PCDH15: variants seen among roughly 807,000 people sequenced by gnomAD.
PCDH15 encodes the protein protocadherin-15.
A neutral mutation model predicts 178.5 loss-of-function variants in PCDH15; 129 were observed. The observed-to-expected ratio is 0.72, with a 90% CI of 0.63 to 0.84. The LOEUF (loss-of-function observed/expected upper bound fraction) is 0.84. PCDH15 is among the 40% of genes least tolerant of loss of function. PCDH15 has a pLI of 0.00. For synonymous variants in PCDH15, 800 were observed against 732.0 expected, an observed-to-expected ratio of 1.09 and a Z score of -1.50; for missense variants, 2,230 against 2,099.9, an observed-to-expected ratio of 1.06 and a Z score of -1.21.
At chr10:55,322,229 C>T (rs1843919591), upstream of PCDH15, among the ~76,000 whole-genome samples, 1 of 152,138 alleles carries the variant, frequency 6.6e-6, no homozygotes, top group African/African-American at 2.4e-5. Context: ...TAAGAGGTGC[C>T]TTTGCTTTTC....
intron 3 of PCDH15, among the ~76,000 whole-genome samples, chr10:54,818,931 T>A (rs1432806024): frequency 1.3e-5 from 2 of 152,056 alleles, no homozygotes; most frequent in Non-Finnish European, 2.9e-5. Flanking sequence ...TTATTTTTAT[T>A]TATTTATTTT....
intron 2 of PCDH15, among the ~76,000 whole-genome samples, chr10:54,634,987 G>A (rs1341554394): frequency 6.6e-6 from 1 of 151,640 alleles, no homozygotes; most frequent in Non-Finnish European, 1.5e-5. Flanking sequence ...TCAGATGTAT[G>A]ATTTATAGAG....
chr10:54,729,545 T>G (rs979889477), intron 1 of PCDH15, among the ~76,000 whole-genome samples: 1 of 151,544 alleles, frequency 6.6e-6, no homozygotes, highest in Non-Finnish European at 1.5e-5. Context: ...AAACAAAAAT[T>G]GACAAGTGGG....
chr10:55,380,310 T>C (rs1434157522), intron 2 of PCDH15, among the ~76,000 whole-genome samples: 1 of 152,154 alleles, frequency 6.6e-6, no homozygotes, highest in Admixed American at 6.5e-5. Context: ...AAGTCATAGT[T>C]TGAAGAATTT....
chr10:54,068,394 AT>A (rs1178993142), intron 17 of PCDH15, among the ~76,000 whole-genome samples: 1 of 152,116 alleles, frequency 6.6e-6, no homozygotes, highest in Non-Finnish European at 1.5e-5. Context: ...TAAAATTTTT[AT>A]TTAAAGACAC....
intron 8 of PCDH15, among the ~76,000 whole-genome samples, chr10:54,247,402 A>T (rs1416354428): frequency 6.6e-6 from 1 of 152,012 alleles, no homozygotes; most frequent in African/African-American, 2.4e-5. Flanking sequence ...ACTTTGAATA[A>T]AGTGTTTCTT....
chr10:54,426,896 C>T (rs962074090), intron 3 of PCDH15, among the ~76,000 whole-genome samples: 9 of 151,480 alleles, frequency 5.9e-5, no homozygotes, highest in African/African-American at 1.9e-4. Context: ...AAATAGTTTT[C>T]CCATGAGTAT....
chr10:55,359,058 C>T (rs1845153046), intron 2 of PCDH15, among the ~76,000 whole-genome samples: 1 of 151,876 alleles, frequency 6.6e-6, no homozygotes, highest in Non-Finnish European at 1.5e-5. Flanking sequence ...TATAACTAGG[C>T]ATAGTGGCAC....
chr10:54,677,343 G>T (rs1472353305), intron 1 of PCDH15, among the ~76,000 whole-genome samples: 2 of 152,140 alleles, frequency 1.3e-5, no homozygotes, highest in Admixed American at 1.3e-4. Context: ...TCGTGTTACT[G>T]CAGGGACAGA....
At chr10:54,316,772 T>C (rs2061303402) in intron 8 of PCDH15, among the ~76,000 whole-genome samples, 1 of 152,190 alleles carries the variant, frequency 6.6e-6, no homozygotes, top group South Asian at 2.1e-4. Flanking sequence ...GTATTCATGC[T>C]TCACCTTTCT....
intron 2 of PCDH15, among the ~76,000 whole-genome samples, chr10:55,535,022 A>G (rs374945739): frequency 6.6e-6 from 1 of 152,064 alleles, no homozygotes; most frequent in African/African-American, 2.4e-5. Flanking sequence ...ACATGGACAT[A>G]AACATGGGAA....
At chr10:54,443,118 A>G (rs1259005890) in intron 3 of PCDH15, among the ~76,000 whole-genome samples, 3 of 151,658 alleles carry the variant, frequency 2.0e-5, no homozygotes, top group African/African-American at 4.8e-5. Context: ...ATCTGAAATC[A>G]CTGCTAGCAA....
chr10:54,804,949 A>G (rs1427008710), upstream of PCDH15, among the ~76,000 whole-genome samples: 1 of 127,366 alleles, frequency 7.9e-6, no homozygotes, highest in African/African-American at 2.7e-5. Context: ...ATATATATAT[A>G]CAGAGTTTGC....
intron 15 of PCDH15, among the ~76,000 whole-genome samples, chr10:54,118,698 T>G (rs1323024666): frequency 2.0e-5 from 3 of 151,462 alleles, no homozygotes; most frequent in African/African-American, 7.3e-5. Context: ...AAAAATAAAT[T>G]AACCCAAGAT....
At chr10:53,929,723 A>G (rs1648177526) in intron 25 of PCDH15, among the ~76,000 whole-genome samples, 1 of 152,182 alleles carries the variant, frequency 6.6e-6, no homozygotes. Flanking sequence ...AATCAATAGC[A>G]TTTGAGTTGT....
intron 2 of PCDH15, among the ~76,000 whole-genome samples, chr10:55,470,745 T>C (rs1405436047): frequency 6.6e-6 from 1 of 152,156 alleles, no homozygotes; most frequent in Non-Finnish European, 1.5e-5. Context: ...TATAACAACA[T>C]GCATTCACAA....
chr10:55,214,565 T>G (rs1840653120), intron 1 of PCDH15, among the ~76,000 whole-genome samples: 4 of 151,938 alleles, frequency 2.6e-5, no homozygotes, highest in African/African-American at 4.8e-5. Context: ...TCTTTTTTTT[T>G]TGTGGGATGG....
At chr10:55,478,340 C>T (rs574942222) in intron 2 of PCDH15, among the ~76,000 whole-genome samples, 2 of 151,670 alleles carry the variant, frequency 1.3e-5, no homozygotes, top group South Asian at 2.1e-4. Context: ...ATTTAAAAAA[C>T]ATTCCATCCA....
intron 15 of PCDH15, among the ~76,000 whole-genome samples, chr10:54,091,688 T>C (rs1254035220): frequency 6.6e-6 from 1 of 152,218 alleles, no homozygotes; most frequent in African/African-American, 2.4e-5. Context: ...AATCTGTCTC[T>C]CATAAAAGTG....
Sources: gnomAD v4.1 joint callset for allele counts (sites outside exome capture counted in the v4.1 genomes callset) on GRCh38, gnomAD v4.1.1 for gene constraint, MANE v1.5 for transcripts, NCBI Gene and HGNC (gene_info 2026-07-23, HGNC 2026-07-21) for gene names.